Variants in ARID1A observed in about 807,000 individuals in gnomAD.
ARID1A encodes AT-rich interactive domain-containing protein 1A.
In ARID1A, 20 loss-of-function variants were observed where a neutral mutation model predicts 212.6. That is an observed-to-expected ratio of 0.09 (90% CI 0.07 to 0.14). The LOEUF (loss-of-function observed/expected upper bound fraction) is 0.14. ARID1A is among the 10% of genes least tolerant of loss of function. ARID1A has a pLI of 1.00. For synonymous variants in ARID1A, 1,376 were observed against 1,222.1 expected (o/e 1.13, Z -2.63); for missense variants, 2,587 against 3,059.0 (o/e 0.85, Z 3.64).
At chr1:26,720,532 C>T (rs1373928382) in intron 1 of ARID1A, among the ~76,000 whole-genome samples, 2 of 151,628 alleles carry the variant, frequency 1.3e-5, no homozygotes, top group Non-Finnish European at 2.9e-5. Flanking sequence ...AACCTTTGGG[C>T]ATGTAGCCCA....
At position 26,696,756 on chromosome 1, in the gene ARID1A, C is replaced by T. The variant is rs1346716044; in HGVS notation, c.353C>T (p.Thr118Met). 17 of 1,353,452 alleles carry T rather than the reference C, an allele frequency of 1.3e-5. No homozygotes were observed. The highest frequency in any genetic ancestry group is 2.5e-4 in the Middle Eastern group (1 of 3,990). The allele number at this position is 1,353,452 out of a possible 1,614,324, so 83.8% of individuals were successfully genotyped here. Residue 118 changes from threonine (T) to methionine (M), a missense_variant, in exon 1 of 20, where the codon ACG becomes ATG. Transcript: ENST00000324856. ...GPRPALNNNL[T>M]EPPGGGGGGS... The stretch of plus-strand genomic sequence containing the variant: ...AGGCCCGCCCTGAACAATAACCTCA[C>T]GGAGCCGCCCGGCGGCGGCGGTGGC...
chr1:26,763,028 T>C lies in ARID1A; in HGVS notation c.2475T>C (p.Ser825=), dbSNP rs2124068110. 6.2e-7 allele frequency: 1 copy of C among 1,613,162 alleles called. No individual in the cohort carries two copies. The highest frequency in any genetic ancestry group is 8.5e-7 in the Non-Finnish European group (1 of 1,179,172). ...CCTTGCCCAATGCCAACTACCCCAGTGCAGGCATGGCTGGAGGCATAAACC... is the reference window on the plus strand; with the variant it reads ...CCTTGCCCAATGCCAACTACCCCAGCGCAGGCATGGCTGGAGGCATAAACC... ...YNALPNANYP[S]AGMAGGINPM... The change falls in exon 8 of 20, where the codon AGT becomes AGC. Residue 825 remains serine, a synonymous_variant. Coordinates refer to ENST00000324856, the MANE Select transcript of ARID1A (RefSeq NM_006015.6).
chr1:26,752,843 G>A (rs2080896502), intron 4 of ARID1A: 1 of 152,212 alleles, frequency 6.6e-6, no homozygotes, highest in Non-Finnish European at 1.5e-5. Context: ...ACTTACTACA[G>A]GCATGTGCGT....
At position 26,729,737 on chromosome 1, in the gene ARID1A, G is replaced by A. The variant is rs139540163; in HGVS notation, c.1224G>A (p.Pro408=). 3.3e-4 allele frequency: 528 copies of A among 1,614,208 alleles called. No homozygotes were observed. The highest frequency in any genetic ancestry group is 4.2e-4 in the Non-Finnish European group (495 of 1,180,024). The stretch of plus-strand genomic sequence containing the variant: ...CATACTCGCAGCAACAGGGACCTCC[G>A]TCAGGACCGCAGCAAGGACATGGGT... ...TNPYSQQQGP[P]SGPQQGHGYP... is the part of the protein sequence containing the mutation. Residue 408 remains proline, a synonymous_variant, in exon 2 of 20, where the codon CCG becomes CCA. Transcript: ENST00000324856.
intron 1 of ARID1A, among the ~76,000 whole-genome samples, chr1:26,720,525 C>T (rs886911628): frequency 6.6e-6 from 1 of 151,900 alleles, no homozygotes; most frequent in Non-Finnish European, 1.5e-5. Flanking sequence ...GTCAGTTAAC[C>T]TTTGGGCATG....
chr1:26,768,020 T>C (rs774658574), intron 11 of ARID1A, 21 bp downstream of exon 11: 3 of 1,610,760 alleles, frequency 1.9e-6, no homozygotes, highest in East Asian at 2.2e-5. Context: ...GCCTGACACT[T>C]GACTGCCCCT....
At chr1:26,765,870 A>G (rs933054275) in intron 8 of ARID1A, 5 of 177,858 alleles carry the variant, frequency 2.8e-5, no homozygotes, top group African/African-American at 1.2e-4. Flanking sequence ...GTCTCAAAAA[A>G]AAAAAAAAGA....
At chr1:26,756,579 C>A (rs867167597) in intron 4 of ARID1A, among the ~76,000 whole-genome samples, 2,703 of 142,754 alleles carry the variant, frequency 0.019, 34 homozygotes, top group African/African-American at 0.035. Context: ...AAAAAAAAAA[C>A]AAAAAAACAC....
At chr1:26,740,586 A>G (rs1228920136) in intron 4 of ARID1A, among the ~76,000 whole-genome samples, 1 of 152,182 alleles carries the variant, frequency 6.6e-6, no homozygotes, top group African/African-American at 2.4e-5. Context: ...ACAGGAAGGA[A>G]AGCTAGATCA....
At chr1:26,750,951 A>C (rs2080878905) in intron 4 of ARID1A, among the ~76,000 whole-genome samples, 1 of 152,064 alleles carries the variant, frequency 6.6e-6, no homozygotes, top group Non-Finnish European at 1.5e-5. Flanking sequence ...AAGTTATAGC[A>C]AGAGTAATTA....
At chr1:26,727,333 G>A (rs1455361112) in intron 1 of ARID1A, among the ~76,000 whole-genome samples, 1 of 152,154 alleles carries the variant, frequency 6.6e-6, no homozygotes, top group Non-Finnish European at 1.5e-5. Flanking sequence ...AGTGATTTGG[G>A]AACAGCATTG....
intron 4 of ARID1A, among the ~76,000 whole-genome samples, chr1:26,743,791 A>C (rs2124804755): frequency 6.6e-6 from 1 of 152,166 alleles, no homozygotes; most frequent in East Asian, 1.9e-4. Flanking sequence ...ATCTCAAAAA[A>C]AAAAAAAAAA....
chr1:26,781,959 T>C lies in ARID1A; in HGVS notation c.*1203T>C. ...TTTTTTCAGTGATAAAATCTGCATA[T>C]TTGTATTTCAACAATGTAGCTAAAA... On this transcript the variant is annotated 3_prime_UTR_variant, in exon 20 of 20. Coordinates refer to ENST00000324856, the MANE Select transcript of ARID1A (RefSeq NM_006015.6). 4.3e-6 allele frequency: 1 copy of C among 233,648 alleles called. No homozygotes were observed. Among genetic ancestry groups the C allele is most frequent in the Non-Finnish European group, 8.5e-6 (1 of 118,018 alleles). 14.5% of individuals were successfully genotyped at this position (233,648 alleles called of 1,614,324 possible). A position where few individuals can be genotyped will look rare whatever the true frequency, so the allele number is the denominator to read the frequency against.
At chr1:26,767,675 G>A (rs1300077074) in intron 10 of ARID1A, 115 bp from the exon 11 acceptor site, 5 of 1,099,062 alleles carry the variant, frequency 4.5e-6, no homozygotes, top group Middle Eastern at 5.5e-4. Context: ...ACAGGTGTTA[G>A]TAACCACCCC....
At chr1:26,735,324 A>T (rs992831853) in intron 4 of ARID1A, among the ~76,000 whole-genome samples, 1 of 139,808 alleles carries the variant, frequency 7.2e-6, no homozygotes, top group African/African-American at 2.8e-5. Context: ...ACTGAGTCTC[A>T]CTCTGTTGCC....
In ARID1A at chr1:26,781,023, C is replaced by T. The variant is rs757365605; in HGVS notation, c.*267C>T. Reference sequence around the variant, plus strand: ...CCTCTTTGAAAAGACAAAGCTCTGCCTACATAGAAGACTTTTTTTATTTTA... The same window carrying T: ...CCTCTTTGAAAAGACAAAGCTCTGCTTACATAGAAGACTTTTTTTATTTTA... On this transcript the variant is annotated 3_prime_UTR_variant, in exon 20 of 20. Coordinates refer to ENST00000324856, the MANE Select transcript of ARID1A (RefSeq NM_006015.6). 2.6e-6 allele frequency: 1 copy of T among 387,982 alleles called. No individual in the cohort carries two copies. Among genetic ancestry groups the T allele is most frequent in the Admixed American group, 4.2e-5 (1 of 23,970 alleles). The allele number at this position is 387,982 out of a possible 1,614,324, so 24.0% of individuals were successfully genotyped here.
chr1:26,763,198 G>T lies in ARID1A; in HGVS notation c.2645G>T (p.Gly882Val), dbSNP rs2124069849. 6.2e-7 allele frequency: 1 copy of T among 1,614,256 alleles called. No individual in the cohort carries two copies. The highest frequency in any genetic ancestry group is 8.5e-7 in the Non-Finnish European group (1 of 1,180,048). Reference sequence around the variant, plus strand: ...AATATGCCACCTCAGGTTGGGTCAGGGATGTGTCCCCCACCAGGGGGCATG... The same window carrying T: ...AATATGCCACCTCAGGTTGGGTCAGTGATGTGTCCCCCACCAGGGGGCATG... Reference protein sequence around the residue: ...MANMPPQVGSGMCPPPGGMNR... With the variant: ...MANMPPQVGSVMCPPPGGMNR... The change falls in exon 8 of 20, where the codon GGG (glycine) becomes GTG (valine). Residue 882 changes from glycine to valine, a missense_variant. Gly to Val is a moderately radical substitution (Grantham distance 109). Coordinates refer to ENST00000324856, the MANE Select transcript of ARID1A (RefSeq NM_006015.6).
chr1:26,696,376 T>A lies in ARID1A; in HGVS notation c.-28T>A. 8.1e-7 allele frequency: 1 copy of A among 1,228,096 alleles called. No individual in the cohort carries two copies. The highest frequency in any genetic ancestry group is 1.0e-6 in the Non-Finnish European group (1 of 986,634). The allele number at this position is 1,228,096 out of a possible 1,614,324, so 76.1% of individuals were successfully genotyped here. ...GGGAGAAGACGAAGACAGGGCCGGG[T>A]CTCTCCGCGGACGAGACAGCGGGGA... is the stretch of plus-strand genomic sequence containing the variant. On this transcript the variant is annotated 5_prime_UTR_variant, in exon 1 of 20. Coordinates refer to ENST00000324856, the MANE Select transcript of ARID1A (RefSeq NM_006015.6).
chr1:26,729,482 T>A, intron 1 of ARID1A, 169 bp from the exon 2 acceptor site: 1 of 709,856 alleles, frequency 1.4e-6, no homozygotes. Context: ...ATTAGGGTTC[T>A]GAGGCGGGTC....
Sources: allele counts gnomAD v4.1 joint callset (sites outside exome capture counted in the v4.1 genomes callset), GRCh38; gene constraint gnomAD v4.1.1; transcripts MANE v1.5; gene names NCBI Gene and HGNC (gene_info 2026-07-23, HGNC 2026-07-21).